UBAP1: variants seen among roughly 807,000 people sequenced by gnomAD.
UBAP1 encodes ubiquitin associated protein 1.
UBAP1 carries 5 observed loss-of-function variants against 39.0 expected under a neutral mutation model. The ratio of observed to expected loss-of-function variants is 0.13; its 90% confidence interval spans 0.07 to 0.27. The LOEUF (loss-of-function observed/expected upper bound fraction) is 0.27. UBAP1 is among the 10% of genes least tolerant of loss of function. The probability of loss-of-function intolerance (pLI) is 1.00; values close to 1 mark genes in which losing one functional copy is unlikely to be tolerated. For missense variants in UBAP1, 490 were observed against 608.1 expected, an observed-to-expected ratio of 0.81 and a Z score of 2.04; for synonymous variants, 211 against 225.1, an observed-to-expected ratio of 0.94 and a Z score of 0.56.
At chr9:34,191,196 T>C (rs1830700461) in intron 1 of UBAP1, among the ~76,000 whole-genome samples, 1 of 152,160 alleles carries the variant, frequency 6.6e-6, no homozygotes, top group Non-Finnish European at 1.5e-5. Context: ...TTTTAGTGTG[T>C]GTATGGATAA....
chr9:34,230,871 A>T (rs1833369468), intron 2 of UBAP1, among the ~76,000 whole-genome samples: 1 of 151,906 alleles, frequency 6.6e-6, no homozygotes, highest in African/African-American at 2.4e-5. Context: ...AATAATTTTC[A>T]ATTTTCATAT....
At chr9:34,244,188 G>A (rs985764317) in intron 4 of UBAP1, among the ~76,000 whole-genome samples, 4 of 151,912 alleles carry the variant, frequency 2.6e-5, no homozygotes, top group African/African-American at 9.7e-5. Flanking sequence ...ACCAGCCCCC[G>A]ACTACTACCC....
intron 2 of UBAP1, among the ~76,000 whole-genome samples, chr9:34,230,224 C>T (rs1038940957): frequency 1.3e-5 from 2 of 150,734 alleles, no homozygotes; most frequent in Non-Finnish European, 3.0e-5. Flanking sequence ...CCACCATGCC[C>T]AGCTAATTTT....
At chr9:34,236,155 C>T (rs1396379790) in intron 3 of UBAP1, among the ~76,000 whole-genome samples, 2 of 152,082 alleles carry the variant, frequency 1.3e-5, no homozygotes, top group Non-Finnish European at 2.9e-5. Context: ...CCACTGCACC[C>T]AGCCTATTTT....
intron 4 of UBAP1, among the ~76,000 whole-genome samples, chr9:34,243,266 T>C (rs926240488): frequency 6.6e-6 from 1 of 152,180 alleles, no homozygotes; most frequent in Non-Finnish European, 1.5e-5. Flanking sequence ...CTTCCTCTCA[T>C]TTAAAGTTAG....
intron 1 of UBAP1, among the ~76,000 whole-genome samples, chr9:34,209,846 G>T (rs1377888942): frequency 6.6e-6 from 1 of 151,914 alleles, no homozygotes; most frequent in Non-Finnish European, 1.5e-5. Context: ...ATAGATAAAT[G>T]TATGCATCTA....
intron 1 of UBAP1, among the ~76,000 whole-genome samples, chr9:34,189,835 C>T (rs7849334): frequency 0.2 from 29,857 of 151,574 alleles, 3,159 homozygotes; most frequent in African/African-American, 0.24. Context: ...GGTGTTTCTC[C>T]GTGTTGGTCT....
At chr9:34,227,502 T>TC (rs1196235205) in intron 2 of UBAP1, among the ~76,000 whole-genome samples, 4 of 152,204 alleles carry the variant, frequency 2.6e-5, no homozygotes, top group Non-Finnish European at 4.4e-5. Flanking sequence ...TGGGGATTTC[T>TC]CCCCCCACCT....
intron 1 of UBAP1, among the ~76,000 whole-genome samples, chr9:34,182,005 C>T (rs982621193): frequency 1.3e-4 from 19 of 148,064 alleles, no homozygotes; most frequent in Non-Finnish European, 1.9e-4. Context: ...TCTTATGTTG[C>T]CCAGTCTGAT....
chr9:34,220,268 C>T (rs971628164), intron 1 of UBAP1, among the ~76,000 whole-genome samples: 2 of 143,704 alleles, frequency 1.4e-5, no homozygotes, highest in African/African-American at 5.2e-5. Context: ...CATCTCACAT[C>T]AGCCTCCCAA....
At chr9:34,197,221 C>T (rs896696594) in intron 1 of UBAP1, among the ~76,000 whole-genome samples, 31 of 150,452 alleles carry the variant, frequency 2.1e-4, no homozygotes, top group African/African-American at 3.9e-4. Flanking sequence ...CCACTGTGCC[C>T]GGCCAGTTAT....
At chr9:34,198,767 G>C (rs1395916269) in intron 1 of UBAP1, among the ~76,000 whole-genome samples, 2 of 152,188 alleles carry the variant, frequency 1.3e-5, no homozygotes, top group African/African-American at 4.8e-5. Flanking sequence ...GGAAAGCTGG[G>C]AAAGTTGGGG....
intron 1 of UBAP1, among the ~76,000 whole-genome samples, chr9:34,190,940 G>T (rs146018951): frequency 2.0e-3 from 306 of 151,872 alleles, no homozygotes; most frequent in Non-Finnish European, 3.0e-3. Context: ...GAGTCACAGT[G>T]CCCAGCCTGC....
chr9:34,215,570 A>T (rs1832261027), intron 1 of UBAP1, among the ~76,000 whole-genome samples: 1 of 151,920 alleles, frequency 6.6e-6, no homozygotes, highest in African/African-American at 2.4e-5. Context: ...AAAGACCACA[A>T]ATAGGGTGCA....
rs1272173709 is a variant in UBAP1, at chr9:34,241,792, CT to C, written c.768del (p.Ile257TyrfsTer4). 1 of 1,614,006 alleles carries C rather than the reference CT, an allele frequency of 6.2e-7. No homozygotes were observed. The highest frequency in any genetic ancestry group is 8.5e-7 in the Non-Finnish European group (1 of 1,180,030). ...CTGTCTTCCAAAGTGTCCCTCCCCC[CT>C]ATACCTGCAGTAAGCAATATCAAAT... ...MSLSSKVSLP[P>X]IPAVSNIKSL... On this transcript the variant is annotated frameshift_variant, in exon 4 of 7. Transcript: ENST00000297661. LOFTEE classifies it high-confidence loss of function.
intron 1 of UBAP1, among the ~76,000 whole-genome samples, chr9:34,182,644 TTTC>T (rs1317684509): frequency 1.0e-4 from 6 of 59,456 alleles, no homozygotes; most frequent in African/African-American, 2.4e-4. Flanking sequence ...TCTTTCTTTC[TTTC>T]TTTCTTTCTT....
intron 2 of UBAP1, among the ~76,000 whole-genome samples, chr9:34,221,803 A>G (rs538483377): frequency 1.3e-5 from 2 of 151,534 alleles, no homozygotes; most frequent in African/African-American, 2.4e-5. Context: ...ATGGAATACA[A>G]TAATAAACTA....
At chr9:34,212,135 A>T (rs994789745) in intron 1 of UBAP1, 1 of 215,000 alleles carries the variant, frequency 4.7e-6, no homozygotes, top group Admixed American at 5.4e-5. Flanking sequence ...ATGATTGATT[A>T]TAAATTTTTT....
chr9:34,208,338 G>A (rs1040459579), intron 1 of UBAP1, among the ~76,000 whole-genome samples: 8 of 151,846 alleles, frequency 5.3e-5, no homozygotes, highest in African/African-American at 9.7e-5. Flanking sequence ...TCTATATTTT[G>A]GATCCATTAA....
Sources: gnomAD v4.1 joint callset for allele counts (sites outside exome capture counted in the v4.1 genomes callset) on GRCh38, gnomAD v4.1.1 for gene constraint, MANE v1.5 for transcripts, NCBI Gene and HGNC (gene_info 2026-07-23, HGNC 2026-07-21) for gene names.